Variants in TSPAN9 observed in about 807,000 individuals in gnomAD.
TSPAN9 encodes the protein tetraspanin-9.
TSPAN9 carries 16 observed loss-of-function variants against 31.0 expected under a neutral mutation model. The observed-to-expected ratio is 0.52, with a 90% confidence interval of 0.35 to 0.78. The LOEUF (loss-of-function observed/expected upper bound fraction) is 0.78. Ranked by LOEUF, TSPAN9 falls within the 30% of genes least tolerant of loss-of-function variation. The pLI is 0.01. For synonymous variants in TSPAN9, 145 were observed against 121.6 expected, an observed-to-expected ratio of 1.19 and a Z score of -1.27; for missense variants, 272 against 312.5, an observed-to-expected ratio of 0.87 and a Z score of 0.98.
intron 3 of TSPAN9, among the ~76,000 whole-genome samples, chr12:3,270,270 T>G (rs1862649136): frequency 6.6e-6 from 1 of 152,172 alleles, no homozygotes; most frequent in Non-Finnish European, 1.5e-5. Context: ...GGGGTATAGA[T>G]GGAGGTGCGG....
At chr12:3,272,501 T>G (rs989845549) in intron 3 of TSPAN9, among the ~76,000 whole-genome samples, 1 of 150,758 alleles carries the variant, frequency 6.6e-6, no homozygotes, top group Non-Finnish European at 1.5e-5. Flanking sequence ...ATGTGTGTTT[T>G]TTTTTTTTTT....
intron 4 of TSPAN9, 144 bp from the exon 5 acceptor site, chr12:3,278,848 C>T (rs1369496462): frequency 1.0e-6 from 1 of 956,400 alleles, no homozygotes. Flanking sequence ...TCTGTCCTAG[C>T]TATCTGGGTT....
chr12:3,089,475 T>G (rs957936975), intron 2 of TSPAN9, among the ~76,000 whole-genome samples: 3 of 151,708 alleles, frequency 2.0e-5, no homozygotes, highest in African/African-American at 7.2e-5. Context: ...TTTTGTATTT[T>G]TAGTAGAGAC....
At chr12:3,166,716 C>T (rs996067914) in intron 2 of TSPAN9, among the ~76,000 whole-genome samples, 2 of 152,198 alleles carry the variant, frequency 1.3e-5, no homozygotes, top group African/African-American at 4.8e-5. Flanking sequence ...ACCCCCATTC[C>T]CCTTTTGAGA....
intron 3 of TSPAN9, among the ~76,000 whole-genome samples, chr12:3,216,698 G>T (rs1051162490): frequency 1.3e-5 from 2 of 152,250 alleles, no homozygotes; most frequent in Admixed American, 1.3e-4. Context: ...TCCGGAGGTG[G>T]TTCTGGCTTC....
At chr12:3,203,139 C>T (rs1317224126) in intron 3 of TSPAN9, among the ~76,000 whole-genome samples, 4 of 152,134 alleles carry the variant, frequency 2.6e-5, no homozygotes, top group Admixed American at 6.5e-5. Context: ...GCTGCGCTCA[C>T]TCCTCCCCAC....
intron 2 of TSPAN9, among the ~76,000 whole-genome samples, chr12:3,141,626 T>C (rs571443663): frequency 6.6e-6 from 1 of 152,246 alleles, no homozygotes; most frequent in South Asian, 2.1e-4. Context: ...TGTTTTGCCC[T>C]GACTCCTCGG....
At chr12:3,233,677 T>C (rs2098391942) in intron 3 of TSPAN9, among the ~76,000 whole-genome samples, 1 of 152,236 alleles carries the variant, frequency 6.6e-6, no homozygotes, top group African/African-American at 2.4e-5. Flanking sequence ...TACCAGTTTT[T>C]TGCTGTCACG....
intron 2 of TSPAN9, among the ~76,000 whole-genome samples, chr12:3,190,640 T>A (rs1399786071): frequency 6.6e-6 from 1 of 152,228 alleles, no homozygotes; most frequent in Admixed American, 6.5e-5. Flanking sequence ...CCAGGCAGAC[T>A]ATCAGCCCCG....
chr12:3,100,335 CCT>C (rs1397351030), intron 2 of TSPAN9, among the ~76,000 whole-genome samples: 1 of 152,168 alleles, frequency 6.6e-6, no homozygotes, highest in Non-Finnish European at 1.5e-5. Context: ...GCTCTCCTCT[CCT>C]CTCTGGTATT....
chr12:3,216,859 C>T (rs563048454), intron 3 of TSPAN9, among the ~76,000 whole-genome samples: 3 of 152,216 alleles, frequency 2.0e-5, no homozygotes, highest in African/African-American at 7.2e-5. Context: ...AGACACAGAT[C>T]CCCAAGGCCC....
At chr12:3,210,650 TTATTG>T (rs2153973972) in intron 3 of TSPAN9, among the ~76,000 whole-genome samples, 1 of 152,328 alleles carries the variant, frequency 6.6e-6, no homozygotes, top group East Asian at 1.9e-4. Context: ...CAGAAATTCT[TTATTG>T]TAATGTAGTC....
At chr12:3,156,977 G>A (rs1000273168) in intron 2 of TSPAN9, among the ~76,000 whole-genome samples, 9 of 152,212 alleles carry the variant, frequency 5.9e-5, no homozygotes, top group African/African-American at 2.2e-4. Context: ...AGTAACTATA[G>A]TATTGATAAG....
At chr12:3,135,609 C>G (rs1310398943) in intron 2 of TSPAN9, among the ~76,000 whole-genome samples, 1 of 152,142 alleles carries the variant, frequency 6.6e-6, no homozygotes, top group Non-Finnish European at 1.5e-5. Flanking sequence ...TGGTGGCCTT[C>G]TGGCTTGTTG....
chr12:3,225,233 A>G (rs1377203738), intron 3 of TSPAN9, among the ~76,000 whole-genome samples: 1 of 152,052 alleles, frequency 6.6e-6, no homozygotes, highest in Non-Finnish European at 1.5e-5. Context: ...CCCACAGCGC[A>G]CAGAGGTGAA....
chr12:3,092,027 A>G (rs778056921), intron 2 of TSPAN9, among the ~76,000 whole-genome samples: 6 of 152,222 alleles, frequency 3.9e-5, no homozygotes, highest in Non-Finnish European at 7.3e-5. Flanking sequence ...AAAACATGCA[A>G]TGCTGACTGT....
chr12:3,250,343 G>A (rs1327768147), intron 3 of TSPAN9, among the ~76,000 whole-genome samples: 3 of 152,220 alleles, frequency 2.0e-5, no homozygotes, highest in African/African-American at 7.2e-5. Context: ...AGGCAGGTCT[G>A]TGTTGGCCCT....
chr12:3,105,843 C>A (rs542954524), intron 2 of TSPAN9, among the ~76,000 whole-genome samples: 1 of 124,704 alleles, frequency 8.0e-6, no homozygotes, highest in East Asian at 2.3e-4. Context: ...TTCATACACA[C>A]GCTCACACAC....
intron 3 of TSPAN9, among the ~76,000 whole-genome samples, chr12:3,277,093 G>A (rs529408950): frequency 6.6e-6 from 1 of 152,284 alleles, no homozygotes; most frequent in Admixed American, 6.5e-5. Flanking sequence ...CCCGGAGCTG[G>A]CCACCCACTT....
Sources: gnomAD v4.1 joint callset for allele counts (sites outside exome capture counted in the v4.1 genomes callset) on GRCh38, gnomAD v4.1.1 for gene constraint, MANE v1.5 for transcripts, NCBI Gene and HGNC (gene_info 2026-07-23, HGNC 2026-07-21) for gene names.